TTLL2: variants seen among roughly 807,000 people sequenced by gnomAD.
The protein encoded by TTLL2 is probable tubulin polyglutamylase TTLL2.
Under a neutral mutation model 7.5 loss-of-function variants are expected in TTLL2, and 10 were observed. The ratio of observed to expected loss-of-function variants is 1.33; its 90% CI spans 0.82 to 2.25. The LOEUF (loss-of-function observed/expected upper bound fraction) is 2.25, where lower values mean the gene tolerates loss of function less well. TTLL2 is among the 30% of genes most tolerant of loss of function. The pLI, the probability that TTLL2 is intolerant of heterozygous loss-of-function variation, is 0.00. For missense variants in TTLL2, 733 were observed against 735.7 expected, an observed-to-expected ratio of 1.00 and a Z score of 0.04; for synonymous variants, 284 against 280.3, an observed-to-expected ratio of 1.01 and a Z score of -0.13.
chr6:167,341,427 C>A lies in TTLL2; in HGVS notation c.1527C>A (p.Pro509=). 1.2e-6 allele frequency: 2 copies of A among 1,613,954 alleles called. No homozygotes were observed. Among genetic ancestry groups the A allele is most frequent in the Non-Finnish European group, 1.7e-6 (2 of 1,180,022 alleles). Residue 509 remains proline, a synonymous_variant, in exon 3 of 3, where the codon CCC becomes CCA. Coordinates refer to ENST00000239587, the MANE Select transcript of TTLL2 (RefSeq NM_031949.5). ...CAAGGGAGATGCCACAAAGCAAGCC[C>A]AAGTTACGGAGCAGGCACACGCCTC... ...LSTREMPQSK[P]KLRSRHTPHK...
At chr6:167,329,289 T>C (rs1162873107) in intron 1 of TTLL2, among the ~76,000 whole-genome samples, 1 of 152,180 alleles carries the variant, frequency 6.6e-6, no homozygotes, top group Non-Finnish European at 1.5e-5. Flanking sequence ...TTTACCTACT[T>C]CAGAGACTAT....
At chr6:167,339,952 T>C (rs1478676960) in intron 2 of TTLL2, among the ~76,000 whole-genome samples, 153 bp from the exon 3 acceptor site, 1 of 152,072 alleles carries the variant, frequency 6.6e-6, no homozygotes, top group Non-Finnish European at 1.5e-5. Context: ...ATGGGTGCAT[T>C]GGTGAAGAGA....
rs371430709 is a variant in TTLL2 at position 167,325,172 on chromosome 6, C to A, written c.-2C>A. ...AGAGGCCACCCTCGGAACCAGCGCCCAATGAGAGGGCGGGACCTGTGTTCC... is the reference window on the plus strand; with the variant it reads ...AGAGGCCACCCTCGGAACCAGCGCCAAATGAGAGGGCGGGACCTGTGTTCC... On this transcript the variant is annotated 5_prime_UTR_variant, in exon 1 of 3. Transcript: ENST00000239587. 26 of 1,578,128 alleles carry A rather than the reference C, an allele frequency of 1.6e-5. No homozygotes were observed. The African/African-American group carries it at 3.4e-4, about 21-fold the overall frequency.
intron 1 of TTLL2, among the ~76,000 whole-genome samples, chr6:167,338,110 G>A (rs941343644): frequency 1.0e-4 from 15 of 147,706 alleles, no homozygotes; most frequent in African/African-American, 2.3e-4. Flanking sequence ...TGCAACACAC[G>A]ACACACATAC....
At chr6:167,337,042 C>T (rs1344173961) in intron 1 of TTLL2, among the ~76,000 whole-genome samples, 1 of 152,206 alleles carries the variant, frequency 6.6e-6, no homozygotes, top group East Asian at 1.9e-4. Context: ...GCTGGCTCTC[C>T]CTCCCATGCC....
At position 167,340,238 on chromosome 6, in the gene TTLL2, A is replaced by G. The variant is rs1437982746; in HGVS notation, c.338A>G (p.Lys113Arg). Residue 113 changes from lysine (K) to arginine (R), a missense_variant, in exon 3 of 3, where the codon AAG becomes AGG. Transcript: ENST00000239587. Reference sequence around the variant, plus strand: ...GAGAGGGGGTGGAATAAGTTTGATAAGCAGGAGCAGAACGCGGAGGACTGG... The same window carrying G: ...GAGAGGGGGTGGAATAAGTTTGATAGGCAGGAGCAGAACGCGGAGGACTGG... ...LLERGWNKFD[K>R]QEQNAEDWNL... 2.5e-6 allele frequency: 4 copies of G among 1,614,006 alleles called. No homozygotes were observed. The African/African-American group carries it at 4.0e-5, about 16-fold the overall frequency.
Position 167,340,800 on chromosome 6 carries a change from C to T in TTLL2, c.900C>T (p.Ser300=), listed in dbSNP as rs771651558. Residue 300 remains serine, a synonymous_variant, in exon 3 of 3, where the codon AGC becomes AGT. Coordinates refer to ENST00000239587, the MANE Select transcript of TTLL2 (RefSeq NM_031949.5). The part of the protein sequence containing the change: ...LQNNYAHLTN[S]SINKSGASYE... ...ACAATTATGCCCATTTGACCAACAG[C>T]AGCATCAATAAATCCGGGGCCTCTT... 6.2e-7 allele frequency: 1 copy of T among 1,614,150 alleles called. No homozygotes were observed. Among genetic ancestry groups the T allele is most frequent in the East Asian group, 2.2e-5 (1 of 44,882 alleles).
rs555158274 is a variant in TTLL2 at position 167,337,055 on chromosome 6, G to T, written c.48-1592G>T. On this transcript the variant is annotated intron_variant, in intron 1 of 2. Coordinates refer to ENST00000239587, the MANE Select transcript of TTLL2 (RefSeq NM_031949.5). ...GTGCTGGCTCTCCCTCCCATGCCAGGGGCTGCAGACGTGTCCCAGCCAACT... is the reference window on the plus strand; with the variant it reads ...GTGCTGGCTCTCCCTCCCATGCCAGTGGCTGCAGACGTGTCCCAGCCAACT... Among the ~76,000 whole-genome samples, 74 of 152,278 alleles carry T rather than the reference G, an allele frequency of 4.9e-4. 3 individuals carry two copies. In the South Asian group the frequency reaches 0.014, roughly 29 times the overall value.
rs775322462 is a variant in TTLL2 at position 167,341,129 on chromosome 6, A to G, written c.1229A>G (p.Asp410Gly). 6.8e-6 allele frequency: 11 copies of G among 1,613,964 alleles called. No individual in the cohort carries two copies. The highest frequency in any genetic ancestry group is 1.3e-5 in the African/African-American group (1 of 74,926). The change falls in exon 3 of 3, where the codon GAT becomes GGT. Residue 410 changes from aspartate (D) to glycine (G), a missense_variant. Asp to Gly is a moderately conservative substitution (Grantham distance 94). Coordinates refer to ENST00000239587, the MANE Select transcript of TTLL2 (RefSeq NM_031949.5). ...DVLVKRKLVH[D>G]IIDLIYLNGL... ...TTGGTGAAGAGAAAACTTGTCCATG[A>G]TATTATTGACCTGATTTACTTAAAT...
intron 1 of TTLL2, 91 bp downstream of exon 1, chr6:167,325,311 A>G: frequency 7.7e-7 from 1 of 1,297,408 alleles, no homozygotes; most frequent in Non-Finnish European, 1.0e-6. Context: ...CACAGGGGCC[A>G]GGGTCACTAG....
chr6:167,338,856 C>CTTCCTTCA, intron 2 of TTLL2, 53 bp downstream of exon 2: 1 of 1,462,982 alleles, frequency 6.8e-7, no homozygotes, highest in South Asian at 1.4e-5. Flanking sequence ...TCCTTCCTTC[C>CTTCCTTCA]TTCCTTCCTT....
rs202093642 is a variant in TTLL2, at chr6:167,341,533, C to A, written c.1633C>A (p.Arg545Ser). 6.2e-7 allele frequency: 1 copy of A among 1,614,132 alleles called. No homozygotes were observed. Among genetic ancestry groups the A allele is most frequent in the Non-Finnish European group, 8.5e-7 (1 of 1,180,036 alleles). ...GACCTCCCCGTGTGTCCTGTCAGAC[C>A]GTGGCAAAGCTCCAGATCCCCAAGC... ...TKTSPCVLSD[R>S]GKAPDPQAGN... The change falls in exon 3 of 3, where the codon CGT becomes AGT. Residue 545 changes from arginine (R) to serine (S), a missense_variant. Coordinates refer to ENST00000239587, the MANE Select transcript of TTLL2 (RefSeq NM_031949.5).
intron 1 of TTLL2, among the ~76,000 whole-genome samples, chr6:167,331,493 G>A (rs1778920136): frequency 6.6e-6 from 1 of 152,116 alleles, no homozygotes; most frequent in Non-Finnish European, 1.5e-5. Context: ...TTTCACCTAT[G>A]AGTAAGAACA....
At chr6:167,339,881 G>T (rs73266989) in intron 2 of TTLL2, among the ~76,000 whole-genome samples, 3,227 of 152,188 alleles carry the variant, frequency 0.021, 129 homozygotes, top group African/African-American at 0.074. Context: ...GGGCAAAATC[G>T]GAAGAAAGAG....
Position 167,340,458 on chromosome 6 carries a change from T to C in TTLL2, c.558T>C (p.Asn186=). 1.2e-6 allele frequency: 2 copies of C among 1,614,132 alleles called. No homozygotes were observed. Among genetic ancestry groups the C allele is most frequent in the Non-Finnish European group, 1.7e-6 (2 of 1,180,028 alleles). ...QFIPLTFVMP[N]DYTKFVAEYF... ...TCCCCCTGACGTTCGTCATGCCCAA[T>C]GACTATACCAAGTTCGTGGCTGAAT... The change falls in exon 3 of 3, where the codon AAT becomes AAC. Residue 186 remains asparagine, a synonymous_variant. Coordinates refer to ENST00000239587, the MANE Select transcript of TTLL2 (RefSeq NM_031949.5).
chr6:167,341,255 G>A lies in TTLL2; in HGVS notation c.1355G>A (p.Cys452Tyr). The A allele has an allele frequency of 6.2e-7, 1 of 1,613,698 alleles. No individual in the cohort carries two copies. The highest frequency in any genetic ancestry group is 1.3e-5 in the African/African-American group (1 of 74,860). Residue 452 changes from cysteine (C) to tyrosine (Y), a missense_variant, in exon 3 of 3, where the codon TGT becomes TAT. By Grantham distance (194) the Cys-to-Tyr change is radical (BLOSUM62 -2). Coordinates refer to ENST00000239587, the MANE Select transcript of TTLL2 (RefSeq NM_031949.5). ...SDRGGLDAPD[C>Y]LPYDSLSFTS... ...AGAGGTGGGCTTGATGCTCCTGACT[G>A]TCTTCCTTATGATTCTCTTTCGTTC...
At position 167,340,833 on chromosome 6, in the gene TTLL2, G is replaced by T; in HGVS notation, c.933G>T (p.Lys311Asn). Residue 311 changes from lysine to asparagine, a missense_variant, in exon 3 of 3, where the codon AAG becomes AAT. By Grantham distance (94) the Lys-to-Asn change is moderately conservative. Transcript: ENST00000239587. The part of the protein sequence containing the change: ...SINKSGASYE[K>N]IKEVIGHGCK... ...ATAAATCCGGGGCCTCTTATGAGAA[G>T]ATCAAAGAAGTGATTGGTCATGGTT... 1.9e-6 allele frequency: 3 copies of T among 1,614,170 alleles called. No individual in the cohort carries two copies. The highest frequency in any genetic ancestry group is 2.7e-5 in the African/African-American group (2 of 75,030).
intron 1 of TTLL2, among the ~76,000 whole-genome samples, chr6:167,331,467 C>A (rs1395096842): frequency 6.6e-6 from 1 of 152,134 alleles, no homozygotes; most frequent in Non-Finnish European, 1.5e-5. Flanking sequence ...TCAATTAGAT[C>A]CACTGTTTTT....
chr6:167,341,035 A>G lies in TTLL2; in HGVS notation c.1135A>G (p.Asn379Asp), dbSNP rs763500736. The G allele has an allele frequency of 2.5e-6, 4 of 1,614,052 alleles. No individual in the cohort carries two copies. The South Asian group carries it at 3.3e-5, about 13-fold the overall frequency. The change falls in exon 3 of 3, where the codon AAC becomes GAC. Residue 379 changes from asparagine to aspartate, a missense_variant. Physicochemically the swap from Asn to Asp is conservative, Grantham distance 23. Coordinates refer to ENST00000239587, the MANE Select transcript of TTLL2 (RefSeq NM_031949.5). ...TGGGTTTGATATTTTGATTGATGACAACTTGAAACCATGGCTTTTAGAGGT... is the reference window on the plus strand; with the variant it reads ...TGGGTTTGATATTTTGATTGATGACGACTTGAAACCATGGCTTTTAGAGGT... ...LFGFDILIDD[N>D]LKPWLLEVNY...
Sources: allele counts gnomAD v4.1 joint callset (sites outside exome capture counted in the v4.1 genomes callset), GRCh38; gene constraint gnomAD v4.1.1; transcripts MANE v1.5; gene names NCBI Gene and HGNC (gene_info 2026-07-23, HGNC 2026-07-21).